Variants in STAG2 observed in about 807,000 individuals in gnomAD.
The protein encoded by STAG2 is STAG2 cohesin complex component, also known as cohesin subunit SA-2.
Under a neutral mutation model 108.1 loss-of-function variants are expected in STAG2, and 14 were observed. The observed-to-expected ratio is 0.13, with a 90% CI of 0.09 to 0.20. The LOEUF (loss-of-function observed/expected upper bound fraction) is 0.20, where lower values mean the gene tolerates loss of function less well. STAG2 is among the 10% of genes least tolerant of loss of function. The probability of loss-of-function intolerance (pLI) is 1.00; values close to 1 mark genes in which losing one functional copy is unlikely to be tolerated. For synonymous variants in STAG2, 307 were observed against 302.7 expected (o/e 1.01, Z -0.15); for missense variants, 440 against 940.9 (o/e 0.47, Z 6.96).
chrX:123,967,453 C>T (rs147300716), intron 1 of STAG2, among the ~76,000 whole-genome samples: 165 of 107,833 alleles, frequency 1.5e-3, no homozygotes, highest in African/African-American at 5.2e-3. Flanking sequence ...TTAGTAGAGA[C>T]GGGGTTTTTT....
chrX:123,976,975 TA>T (rs1179295703), intron 1 of STAG2, among the ~76,000 whole-genome samples: 1 of 112,309 alleles, frequency 8.9e-6, no homozygotes, highest in African/African-American at 3.2e-5. Context: ...AGGAGGAAGT[TA>T]AACTTCTCAT....
At chrX:124,025,335 G>A (rs1450881791) in intron 3 of STAG2, among the ~76,000 whole-genome samples, 1 of 111,630 alleles carries the variant, frequency 9.0e-6, no homozygotes, top group Non-Finnish European at 1.9e-5. Context: ...GGTTTTATAA[G>A]TACCCTTTCA....
At chrX:124,010,058 G>T (rs186341792) in intron 1 of STAG2, among the ~76,000 whole-genome samples, 56 of 111,584 alleles carry the variant, frequency 5.0e-4, no homozygotes, top group Admixed American at 1.9e-4. Flanking sequence ...AATGATCGAT[G>T]ATTTAAGTAA....
Position 124,090,849 on chromosome X carries a change from T to C in STAG2, c.3468-5T>C. On this transcript the variant is annotated splice_polypyrimidine_tract_variant and splice_region_variant and intron_variant, in intron 31 of 34. Transcript: ENST00000371145. The stretch of plus-strand genomic sequence containing the variant: ...GTTAAAAGAGGAATAAAATTCTCCT[T>C]GAAGCACGCAGGTAACATGGATGTT... 1 of 1,208,596 alleles carries C rather than the reference T, an allele frequency of 8.3e-7. No homozygotes were observed. The highest frequency in any genetic ancestry group is 3.0e-5 in the East Asian group (1 of 33,830).
At chrX:124,019,206 G>A (rs752682588) in intron 1 of STAG2, among the ~76,000 whole-genome samples, 81 of 108,753 alleles carry the variant, frequency 7.4e-4, no homozygotes, top group South Asian at 5.3e-3. Context: ...GACTACAGGC[G>A]CCTGCCACCA....
At chrX:123,999,169 G>T in intron 1 of STAG2, among the ~76,000 whole-genome samples, 1 of 111,467 alleles carries the variant, frequency 9.0e-6, no homozygotes, top group Non-Finnish European at 1.9e-5. Flanking sequence ...ATATATATGT[G>T]CCATTAAAAA....
chrX:123,976,349 A>G (rs1336495176), intron 1 of STAG2, among the ~76,000 whole-genome samples: 2 of 112,272 alleles, frequency 1.8e-5, no homozygotes, highest in Non-Finnish European at 3.8e-5. Flanking sequence ...GTGTGTGCAT[A>G]TATGTATAAA....
At chrX:124,094,273 A>G in intron 33 of STAG2, 129 bp downstream of exon 33, 1 of 622,655 alleles carries the variant, frequency 1.6e-6, no homozygotes, top group East Asian at 3.5e-5. Flanking sequence ...AATAGTTGCC[A>G]GGGGTTTAGA....
chrX:123,985,620 A>G (rs1235325662), intron 1 of STAG2, among the ~76,000 whole-genome samples: 1 of 109,976 alleles, frequency 9.1e-6, no homozygotes, highest in African/African-American at 3.3e-5. Flanking sequence ...CCAGACTGGA[A>G]TACAGTAGCA....
At chrX:124,069,772 G>A (rs781405413) in intron 24 of STAG2, among the ~76,000 whole-genome samples, 3 of 110,854 alleles carry the variant, frequency 2.7e-5, no homozygotes, top group East Asian at 2.8e-4. Flanking sequence ...CCAATTTTAC[G>A]TGTGTAGTTT....
chrX:124,010,398 G>A (rs2056484282), intron 1 of STAG2, among the ~76,000 whole-genome samples: 1 of 111,562 alleles, frequency 9.0e-6, no homozygotes, highest in South Asian at 3.7e-4. Flanking sequence ...TTTGTGACTA[G>A]CTTATTTCAG....
At chrX:123,975,378 C>T (rs1248247623) in intron 1 of STAG2, among the ~76,000 whole-genome samples, 1 of 112,085 alleles carries the variant, frequency 8.9e-6, no homozygotes, top group Non-Finnish European at 1.9e-5. Context: ...TGGTGGTAGT[C>T]ATGGTTGGCA....
At chrX:124,050,929 G>A (rs760224923) in intron 11 of STAG2, among the ~76,000 whole-genome samples, 192 bp from the exon 12 acceptor site, 2 of 111,013 alleles carry the variant, frequency 1.8e-5, no homozygotes, top group African/African-American at 6.5e-5. Flanking sequence ...TAACCCCATA[G>A]GTATTTAGTC....
At chrX:123,976,700 C>T (rs1488784325) in intron 1 of STAG2, among the ~76,000 whole-genome samples, 3 of 111,895 alleles carry the variant, frequency 2.7e-5, no homozygotes, top group Non-Finnish European at 5.6e-5. Context: ...TTGTACTAGG[C>T]TCCCTAACAT....
rs1329811848 is a variant in STAG2, at chrX:124,076,464, A to T, written c.2666A>T (p.Tyr889Phe). ...ACAGCTGCAGATATCTTCAAACAGT[A>T]TATGAAGGTAAAGTTGAAAAATGGA... ...MNTAADIFKQ[Y>F]MKYYNDYGDI... Residue 889 changes from tyrosine (Y) to phenylalanine (F), a missense_variant, in exon 26 of 35, where the codon TAT becomes TTT. Around this residue, in one of 3 missense-constraint regions of STAG2, gnomAD observed 337 missense variants for 649.3 expected, o/e 0.52. Transcript: ENST00000371145. 1 of 1,144,441 alleles carries T rather than the reference A, an allele frequency of 8.7e-7. No individual in the cohort carries two copies. 94.3% of individuals were successfully genotyped at this position (1,144,441 alleles called of 1,213,427 possible). A position where few individuals can be genotyped will look rare whatever the true frequency, so the allele number is the denominator to read the frequency against.
In STAG2 at chrX:124,063,945, G is replaced by C. The variant is rs774872309; in HGVS notation, c.1919G>C (p.Cys640Ser). 1 of 1,204,799 alleles carries C rather than the reference G, an allele frequency of 8.3e-7. No homozygotes were observed. The highest frequency in any genetic ancestry group is 1.8e-5 in the South Asian group (1 of 56,676). The change falls in exon 20 of 35, where the codon TGT becomes TCT. Residue 640 changes from cysteine to serine, a missense_variant. Coordinates refer to ENST00000371145, the MANE Select transcript of STAG2 (RefSeq NM_001042750.2). ...EACSKTYHAL[C>S]NEEFTIFNRV... ...TGTTCTAAAACTTACCATGCACTCTGTAATGAAGAGTTCACAATCTTCAAC... is the reference window on the plus strand; with the variant it reads ...TGTTCTAAAACTTACCATGCACTCTCTAATGAAGAGTTCACAATCTTCAAC...
chrX:124,002,812 C>CTTTTTT (rs111999061), intron 1 of STAG2, among the ~76,000 whole-genome samples: 1 of 92,944 alleles, frequency 1.1e-5, no homozygotes, highest in African/African-American at 4.0e-5. Flanking sequence ...TTCTTTCTTT[C>CTTTTTT]TTTTTTTTTT....
rs200723188 is a variant in STAG2, at chrX:124,029,033, T to A, written c.124-1928T>A. Among the ~76,000 whole-genome samples, 24 of 103,115 alleles carry A rather than the reference T, an allele frequency of 2.3e-4. No homozygotes were observed. The East Asian group carries it at 7.0e-3, about 30-fold the overall frequency. 89.5% of individuals were successfully genotyped at this position (103,115 alleles called of 115,157 possible). The stretch of plus-strand genomic sequence containing the variant: ...TATATATTTATTTATTTATTTATTT[T>A]TGAGACGGAGTCTTGCTCTGTCGCC... On this transcript the variant is annotated intron_variant, in intron 4 of 34. Coordinates refer to ENST00000371145, the MANE Select transcript of STAG2 (RefSeq NM_001042750.2).
At chrX:124,030,031 T>C (rs1465773037) in intron 4 of STAG2, among the ~76,000 whole-genome samples, 1 of 111,136 alleles carries the variant, frequency 9.0e-6, no homozygotes, top group Non-Finnish European at 1.9e-5. Context: ...TTTTCATTAA[T>C]TGAATTTTCA....
Sources: allele counts gnomAD v4.1 joint callset (sites outside exome capture counted in the v4.1 genomes callset), GRCh38; gene constraint gnomAD v4.1.1; regional missense constraint gnomAD v4.1.1; transcripts MANE v1.5; gene names NCBI Gene and HGNC (gene_info 2026-07-23, HGNC 2026-07-21).